MRPL10: variants seen among roughly 807,000 people sequenced by gnomAD.
MRPL10 encodes large ribosomal subunit protein uL10m.
In MRPL10, 14 loss-of-function variants were observed where a neutral mutation model predicts 19.8. The observed-to-expected ratio is 0.71, with a 90% CI of 0.47 to 1.11. MRPL10 has a LOEUF of 1.11. MRPL10 is among the 50% of genes least tolerant of loss of function. The probability of loss-of-function intolerance (pLI) is 0.00; values close to 1 mark genes in which losing one functional copy is unlikely to be tolerated. For synonymous variants in MRPL10, 129 were observed against 139.2 expected (o/e 0.93, Z 0.52); for missense variants, 318 against 339.6 (o/e 0.94, Z 0.50).
intron 1 of MRPL10, 79 bp from the exon 2 acceptor site, chr17:47,828,749 C>T: frequency 4.2e-6 from 5 of 1,189,258 alleles, no homozygotes; most frequent in Non-Finnish European, 4.5e-6. Context: ...AAAAACACAC[C>T]CTCTAGCAGA....
chr17:47,826,929 C>T, intron 3 of MRPL10, 111 bp downstream of exon 3: 1 of 1,451,874 alleles, frequency 6.9e-7, no homozygotes. Flanking sequence ...GAGGGTGACT[C>T]ATGGAGAGGA....
In MRPL10 at chr17:47,823,931, T is replaced by G; in HGVS notation, c.*274A>C. 1 of 473,472 alleles carries G rather than the reference T, an allele frequency of 2.1e-6. No individual in the cohort carries two copies. The highest frequency in any genetic ancestry group is 4.4e-5 in the East Asian group (1 of 22,674). 29.3% of individuals were successfully genotyped at this position (473,472 alleles called of 1,614,324 possible). On this transcript the variant is annotated 3_prime_UTR_variant, in exon 5 of 5. Coordinates refer to ENST00000351111, the MANE Select transcript of MRPL10 (RefSeq NM_145255.4). ...AAGGAGGCAGGGGACAATAGCCCTATCTTTTCAGGATCTCTGCCTTGGACC... is the reference window on the plus strand; with the variant it reads ...AAGGAGGCAGGGGACAATAGCCCTAGCTTTTCAGGATCTCTGCCTTGGACC...
chr17:47,827,080 A>T lies in MRPL10; in HGVS notation c.347T>A (p.Leu116Gln), dbSNP rs1464983107. The change falls in exon 3 of 5, where the codon CTG becomes CAG. Residue 116 changes from leucine to glutamine, a missense_variant. Leu to Gln is a moderately radical substitution (Grantham distance 113). Transcript: ENST00000351111. ...CTTCATCAGGATCTTGTGTTTCCGC[A>T]GCTGGTGTCGCATAAGAAGCTTGTC... ...AEDKLLMRHQ[L>Q]RKHKILMKVF... The T allele has an allele frequency of 6.2e-7, 1 of 1,613,906 alleles. No individual in the cohort carries two copies. Among genetic ancestry groups the T allele is most frequent in the Admixed American group, 1.7e-5 (1 of 59,946 alleles).
At chr17:47,829,673 G>A (rs62076133) in intron 1 of MRPL10, 41,285 of 152,204 alleles carry the variant, frequency 0.27, 6,946 homozygotes, top group Non-Finnish European at 0.38. Flanking sequence ...CAGCTCACTT[G>A]AGGTCAGGAA....
At position 47,823,987 on chromosome 17, in the gene MRPL10, G is replaced by A. The variant is rs756747727; in HGVS notation, c.*218C>T. ...AATGGAGAGACTTTGCTCCTATCAC[G>A]TCCCAAGTTGGGAAAACTAAGGACG... On this transcript the variant is annotated 3_prime_UTR_variant, in exon 5 of 5. Transcript: ENST00000351111. 22 of 601,730 alleles carry A rather than the reference G, an allele frequency of 3.7e-5. No individual in the cohort carries two copies. Among genetic ancestry groups the A allele is most frequent in the East Asian group, 3.0e-4 (10 of 33,344 alleles). 37.3% of individuals were successfully genotyped at this position (601,730 alleles called of 1,614,324 possible).
In MRPL10 at chr17:47,828,488, A is replaced by G. The variant is rs751221331; in HGVS notation, c.222+13T>C. 55 of 1,406,144 alleles carry G rather than the reference A, an allele frequency of 3.9e-5. No homozygotes were observed. The East Asian group carries it at 1.5e-3, about 39-fold the overall frequency. The allele number at this position is 1,406,144 out of a possible 1,614,324, so 87.1% of individuals were successfully genotyped here. A position where few individuals can be genotyped will look rare whatever the true frequency, so the allele number is the denominator to read the frequency against. The stretch of plus-strand genomic sequence containing the variant: ...CCCACCACCAAGTGACATGTACCCA[A>G]ATTCCTCCTTACCTCCTGTGGGGGG... On this transcript the variant is annotated intron_variant, in intron 2 of 4. Transcript: ENST00000351111.
At chr17:47,825,157 C>T (rs1304973060) in intron 4 of MRPL10, among the ~76,000 whole-genome samples, 4 of 151,426 alleles carry the variant, frequency 2.6e-5, no homozygotes, top group South Asian at 4.2e-4. Context: ...GGTGAAACCC[C>T]GTTTCTACTA....
chr17:47,824,239 C>A lies in MRPL10; in HGVS notation c.752G>T (p.Gly251Val), dbSNP rs761724419. The change falls in exon 5 of 5, where the codon GGG becomes GTG. Residue 251 changes from glycine (G) to valine (V), a missense_variant. Gly to Val is a moderately radical substitution (Grantham distance 109). Transcript: ENST00000351111. ...CGGAACAGTGTCAGGATCTGGCTTC[C>A]CATTGGCCGACATGACAGAATCCTT... The part of the protein sequence containing the change: ...REKDSVMSAN[G>V]KPDPDTVPDS 1 of 1,614,054 alleles carries A rather than the reference C, an allele frequency of 6.2e-7. No individual in the cohort carries two copies. Among genetic ancestry groups the A allele is most frequent in the African/African-American group, 1.3e-5 (1 of 74,924 alleles).
chr17:47,830,509 AT>A (rs112972415), intron 1 of MRPL10, among the ~76,000 whole-genome samples: 40,328 of 146,536 alleles, frequency 0.28, 6,554 homozygotes, highest in Non-Finnish European at 0.38. Context: ...ATTAAACTGG[AT>A]TTTTTTTTTT....
chr17:47,826,905 T>C (rs1229775286), intron 3 of MRPL10, 124 bp from the exon 4 acceptor site: 5 of 1,474,348 alleles, frequency 3.4e-6, no homozygotes, highest in Non-Finnish European at 4.7e-6. Context: ...AATCATAGGT[T>C]AGACACCAGA....
chr17:47,827,912 AAAAAAAAAAT>A, intron 2 of MRPL10, among the ~76,000 whole-genome samples: 1 of 147,176 alleles, frequency 6.8e-6, no homozygotes, highest in African/African-American at 2.5e-5. Context: ...AAAAAAAAAA[AAAAAAAAAAT>A]GGCCAGGCAG....
In MRPL10 at chr17:47,831,470, C is replaced by A. The variant is rs556023849; in HGVS notation, c.42G>T (p.Leu14=). The change falls in exon 1 of 5, where the codon CTG becomes CTT. Residue 14 remains leucine, a synonymous_variant. Coordinates refer to ENST00000351111, the MANE Select transcript of MRPL10 (RefSeq NM_145255.4). ...AVAGMLRGGL[L]PQAGRLPTLQ... ...TGGGCCACTCCTTACCCGCCTGGGG[C>A]AGGAGACCCCCTCGCAGCATCCCCG... The A allele has an allele frequency of 4.5e-6, 7 of 1,548,966 alleles. No homozygotes were observed. The highest frequency in any genetic ancestry group is 3.6e-5 in the South Asian group (3 of 84,014).
At chr17:47,825,023 A>G (rs2033509448) in intron 4 of MRPL10, among the ~76,000 whole-genome samples, 1 of 148,176 alleles carries the variant, frequency 6.7e-6, no homozygotes, top group African/African-American at 2.5e-5. Flanking sequence ...TCAAAAAAAA[A>G]AAAAAAAAAA....
In MRPL10 at chr17:47,831,491, C is replaced by T; in HGVS notation, c.21G>A (p.Gly7=). ...GGGGCAGGAGACCCCCTCGCAGCAT[C>T]CCCGCCACGGCCGCAGCCATCTCCA... MAAAVA[G]MLRGGLLPQA... The change falls in exon 1 of 5, where the codon GGG becomes GGA. Residue 7 remains glycine, a synonymous_variant. Transcript: ENST00000351111. 3.9e-6 allele frequency: 6 copies of T among 1,549,888 alleles called. No individual in the cohort carries two copies. Among genetic ancestry groups the T allele is most frequent in the Non-Finnish European group, 5.2e-6 (6 of 1,146,736 alleles).
Position 47,826,794 on chromosome 17 carries a change from G to A in MRPL10, c.388-13C>T. 1.9e-6 allele frequency: 3 copies of A among 1,614,074 alleles called. No homozygotes were observed. The highest frequency in any genetic ancestry group is 2.7e-5 in the African/African-American group (2 of 75,056). ...AGGGCTTCAGGACCTGGGAACAGCA[G>A]GGAAAAATGGCTTATCGGGGACAAG... is the stretch of plus-strand genomic sequence containing the variant. On this transcript the variant is annotated splice_polypyrimidine_tract_variant and intron_variant, in intron 3 of 4. Coordinates refer to ENST00000351111, the MANE Select transcript of MRPL10 (RefSeq NM_145255.4).
rs747958099 is a variant in MRPL10 at position 47,823,342 on chromosome 17, T to C, written c.*863A>G. 1 of 152,072 alleles carries C rather than the reference T, an allele frequency of 6.6e-6. No homozygotes were observed. Among genetic ancestry groups the C allele is most frequent in the Non-Finnish European group, 1.5e-5 (1 of 68,018 alleles). The allele number at this position is 152,072 out of a possible 1,614,324, so 9.4% of individuals were successfully genotyped here. On this transcript the variant is annotated 3_prime_UTR_variant, in exon 5 of 5. Transcript: ENST00000351111. ...GGGATGCCATTTGTGGGAACAGGTA[T>C]AGGGGAAGAGGATTTTCCTAGGAAG...
chr17:47,823,793 G>T lies in MRPL10; in HGVS notation c.*412C>A. The T allele has an allele frequency of 3.5e-6, 1 of 284,082 alleles. No individual in the cohort carries two copies. Among genetic ancestry groups the T allele is most frequent in the Non-Finnish European group, 6.8e-6 (1 of 147,164 alleles). The allele number at this position is 284,082 out of a possible 1,614,324, so 17.6% of individuals were successfully genotyped here. ...CAGCACAAAGCCTGGCACACAGCAG[G>T]CTCTCACCAGGTGCCATTCTCAGCA... is the stretch of plus-strand genomic sequence containing the variant. On this transcript the variant is annotated 3_prime_UTR_variant, in exon 5 of 5. Transcript: ENST00000351111.
At chr17:47,831,342 G>A in intron 1 of MRPL10, 118 bp downstream of exon 1, 1 of 1,538,110 alleles carries the variant, frequency 6.5e-7, no homozygotes, top group East Asian at 2.4e-5. Flanking sequence ...GACGGGGTAA[G>A]GAGGCCAGCG....
intron 1 of MRPL10, chr17:47,829,273 A>AAGAAG (rs377178742): frequency 1.4e-5 from 2 of 143,246 alleles, no homozygotes; most frequent in East Asian, 2.0e-4. Context: ...AGAAAAAAAA[A>AAGAAG]GAAGGAAGGA....
Sources: allele counts gnomAD v4.1 joint callset (sites outside exome capture counted in the v4.1 genomes callset), GRCh38; gene constraint gnomAD v4.1.1; transcripts MANE v1.5; gene names NCBI Gene and HGNC (gene_info 2026-07-23, HGNC 2026-07-21).